NDST2: variants seen among roughly 807,000 people sequenced by gnomAD.
The protein encoded by NDST2 is bifunctional heparan sulfate N-deacetylase/N-sulfotransferase 2.
NDST2 carries 32 observed loss-of-function variants against 86.9 expected under a neutral mutation model. The ratio of observed to expected loss-of-function variants is 0.37; its 90% CI spans 0.28 to 0.49. The LOEUF (loss-of-function observed/expected upper bound fraction) is 0.49, where lower values mean the gene tolerates loss of function less well. NDST2 is among the 20% of genes least tolerant of loss of function. The pLI, the probability that NDST2 is intolerant of heterozygous loss-of-function variation, is 0.97. For missense variants in NDST2, 950 were observed against 1,146.9 expected, an observed-to-expected ratio of 0.83 and a Z score of 2.48; for synonymous variants, 409 against 437.0, an observed-to-expected ratio of 0.94 and a Z score of 0.80.
chr10:73,809,767 C>T (rs1266353173), intron 2 of NDST2, among the ~76,000 whole-genome samples: 1 of 152,202 alleles, frequency 6.6e-6, no homozygotes, highest in Non-Finnish European at 1.5e-5. Context: ...GAGTCTTGCT[C>T]TGTCACCCAG....
Position 73,806,122 on chromosome 10 carries a change from A to G in NDST2, c.1435-94T>C, listed in dbSNP as rs779311984. 4.4e-5 allele frequency: 69 copies of G among 1,550,680 alleles called. No individual in the cohort carries two copies. Among genetic ancestry groups the G allele is most frequent in the Non-Finnish European group, 6.1e-5 (69 of 1,136,262 alleles). ...TTTATAGAGGACTGAGTCTGAAGTT[A>G]TAGCAATAAAGCTCTTACTGAGGGT... On this transcript the variant is annotated intron_variant, in intron 6 of 14. Transcript: ENST00000309979. The surrounding 1 kb of genome is among the most constrained non-coding windows in gnomAD (Gnocchi z 4.5).
rs773424771 is a variant in NDST2 at position 73,803,951 on chromosome 10, T to C, written c.1909A>G (p.Ser637Gly). 5.0e-6 allele frequency: 8 copies of C among 1,614,046 alleles called. No homozygotes were observed. Among genetic ancestry groups the C allele is most frequent in the African/African-American group, 1.3e-5 (1 of 74,910 alleles). The change falls in exon 10 of 15, where the codon AGC (serine) becomes GGC (glycine). Residue 637 changes from serine (S) to glycine (G), a missense_variant. This residue lies in a region of NDST2 where 303 missense variants were observed against 323.7 expected (regional missense o/e 0.94). Coordinates refer to ENST00000309979, the MANE Select transcript of NDST2 (RefSeq NM_003635.4). Reference protein sequence around the residue: ...PAVTSSFPSPSTFEEIQFFNS... With the variant: ...PAVTSSFPSPGTFEEIQFFNS... ...AAGAACTGAATCTCCTCAAATGTGC[T>C]GGGGCTAGGGAAGCTGCTAGTTACA...
intron 2 of NDST2, among the ~76,000 whole-genome samples, chr10:73,810,426 C>T (rs933439308): frequency 6.6e-6 from 1 of 151,882 alleles, no homozygotes; most frequent in Non-Finnish European, 1.5e-5. Context: ...CCACTGTACT[C>T]CAGCCTGGGT....
At chr10:73,804,541 T>C (rs2084065065) in intron 9 of NDST2, among the ~76,000 whole-genome samples, 1 of 152,024 alleles carries the variant, frequency 6.6e-6, no homozygotes, top group Admixed American at 6.5e-5. Context: ...CTAGGGAAGC[T>C]GAGCAGAATT....
Position 73,807,564 on chromosome 10 carries a change from G to T in NDST2, c.825C>A (p.Ile275=). 4 of 1,614,214 alleles carry T rather than the reference G, an allele frequency of 2.5e-6. No individual in the cohort carries two copies. Among genetic ancestry groups the T allele is most frequent in the Non-Finnish European group, 3.4e-6 (4 of 1,180,034 alleles). Residue 275 remains isoleucine (I), a synonymous_variant, in exon 3 of 15, where the codon ATC becomes ATA. Coordinates refer to ENST00000309979, the MANE Select transcript of NDST2 (RefSeq NM_003635.4). Reference sequence around the variant, plus strand: ...GGCCATGTCCAAAGAGCACCCGCTGGATGCCATCATGAAGCCCCAGGTCCT... The same window carrying T: ...GGCCATGTCCAAAGAGCACCCGCTGTATGCCATCATGAAGCCCCAGGTCCT... ...VVQDLGLHDG[I]QRVLFGHGLS... is the part of the protein sequence containing the mutation.
rs2083995095 is a variant in NDST2 at position 73,802,202 on chromosome 10, C to T, written c.*249G>A. 3.5e-6 allele frequency: 2 copies of T among 579,612 alleles called. No homozygotes were observed. The highest frequency in any genetic ancestry group is 6.1e-6 in the Non-Finnish European group (2 of 326,332). The allele number at this position is 579,612 out of a possible 1,614,324, so 35.9% of individuals were successfully genotyped here. A position where few individuals can be genotyped will look rare whatever the true frequency, so the allele number is the denominator to read the frequency against. ...TACACCCTGCCTGGACCCTCTCATTCCTCCCCACCTCCCAAGATGATGGGT... is the reference window on the plus strand; with the variant it reads ...TACACCCTGCCTGGACCCTCTCATTTCTCCCCACCTCCCAAGATGATGGGT... On this transcript the variant is annotated 3_prime_UTR_variant, in exon 15 of 15. Coordinates refer to ENST00000309979, the MANE Select transcript of NDST2 (RefSeq NM_003635.4).
In NDST2 at chr10:73,802,271, C is replaced by A; in HGVS notation, c.*180G>T. On this transcript the variant is annotated 3_prime_UTR_variant, in exon 15 of 15. Transcript: ENST00000309979. ...TTATGTGGGGTACCAAAGGAAGCCCCTTTATTTGTCCCAGAACTGTGGGAA... is the reference window on the plus strand; with the variant it reads ...TTATGTGGGGTACCAAAGGAAGCCCATTTATTTGTCCCAGAACTGTGGGAA... 1 of 662,242 alleles carries A rather than the reference C, an allele frequency of 1.5e-6. No individual in the cohort carries two copies. Among genetic ancestry groups the A allele is most frequent in the South Asian group, 1.9e-5 (1 of 51,632 alleles). 41.0% of individuals were successfully genotyped at this position (662,242 alleles called of 1,614,324 possible). A position where few individuals can be genotyped will look rare whatever the true frequency, so the allele number is the denominator to read the frequency against.
At position 73,804,811 on chromosome 10, in the gene NDST2, C is replaced by T. The variant is rs202120908; in HGVS notation, c.1805G>A (p.Arg602His). ...DIWSKEKTCD[R>H]LPKFLIVGPQ... ...TCCCACAATGAGGAACTTCGGGAGACGATCACAGGTTTTCTCCTTGGACCA... is the reference window on the plus strand; with the variant it reads ...TCCCACAATGAGGAACTTCGGGAGATGATCACAGGTTTTCTCCTTGGACCA... Residue 602 changes from arginine to histidine, a missense_variant, in exon 9 of 15, where the codon CGT becomes CAT. Physicochemically the swap from Arg to His is conservative, Grantham distance 29. Around this residue, in one of 5 missense-constraint regions of NDST2, gnomAD observed 17 missense variants for 40.1 expected, o/e 0.42. Transcript: ENST00000309979. The T allele has an allele frequency of 6.2e-6, 10 of 1,613,258 alleles. No homozygotes were observed. The highest frequency in any genetic ancestry group is 1.7e-5 in the Admixed American group (1 of 59,978).
Position 73,803,207 on chromosome 10 carries a change from A to T in NDST2, c.2295T>A (p.Thr765=). The part of the protein sequence containing the change: ...YYSTHLQRWL[T]YYPSGQLLIV... ...ATTATACCTGTCCAGAGGGGTAGTA[A>T]GTCAGCCAGCGTTGTAGATGGGTAG... Residue 765 remains threonine, a synonymous_variant, in exon 12 of 15, where the codon ACT becomes ACA. Transcript: ENST00000309979. The T allele has an allele frequency of 6.2e-7, 1 of 1,614,216 alleles. No homozygotes were observed. The highest frequency in any genetic ancestry group is 8.5e-7 in the Non-Finnish European group (1 of 1,180,036).
At chr10:73,809,125 G>C (rs1477701373) in intron 2 of NDST2, 1 of 152,262 alleles carries the variant, frequency 6.6e-6, no homozygotes, top group East Asian at 1.9e-4. Flanking sequence ...TGATCTTTCT[G>C]TGAGGAAGGG....
intron 2 of NDST2, 105 bp downstream of exon 2, chr10:73,810,694 A>G (rs2084187861): frequency 2.5e-6 from 1 of 395,942 alleles, no homozygotes; most frequent in African/African-American, 2.1e-5. Flanking sequence ...TTCTTCTAAG[A>G]GCTTCACATA....
chr10:73,805,748 G>A lies in NDST2; in HGVS notation c.1585C>T (p.Leu529=). 6.2e-7 allele frequency: 1 copy of A among 1,614,230 alleles called. No individual in the cohort carries two copies. Among genetic ancestry groups the A allele is most frequent in the South Asian group, 1.1e-5 (1 of 91,078 alleles). The change falls in exon 8 of 15, where the codon CTG becomes TTG. Residue 529 remains leucine (L), a synonymous_variant. Coordinates refer to ENST00000309979, the MANE Select transcript of NDST2 (RefSeq NM_003635.4). ...AGCCGGTCATTTCCATAATTGGACAGATGGGTCATAAAGATGCTGATCTGT... is the reference window on the plus strand; with the variant it reads ...AGCCGGTCATTTCCATAATTGGACAAATGGGTCATAAAGATGCTGATCTGT... The part of the protein sequence containing the change: ...LNPISIFMTH[L]SNYGNDRLGL...
chr10:73,806,086 G>C lies in NDST2; in HGVS notation c.1435-58C>G. 1 of 1,595,696 alleles carries C rather than the reference G, an allele frequency of 6.3e-7. No individual in the cohort carries two copies. Among genetic ancestry groups the C allele is most frequent in the Non-Finnish European group, 8.6e-7 (1 of 1,169,050 alleles). On this transcript the variant is annotated intron_variant, in intron 6 of 14. Transcript: ENST00000309979. This position sits in a 1 kb window ranked among gnomAD's most constrained non-coding sequence, Gnocchi z 4.5. ...AAAGATAGAATGAGAAGTAGATGGAGGACACTGGGATTTATAGAGGACTGA... is the reference window on the plus strand; with the variant it reads ...AAAGATAGAATGAGAAGTAGATGGACGACACTGGGATTTATAGAGGACTGA...
chr10:73,810,725 C>T, intron 2 of NDST2, 74 bp downstream of exon 2: 1 of 397,880 alleles, frequency 2.5e-6, no homozygotes, highest in Non-Finnish European at 4.4e-6. Context: ...TCACACCAGC[C>T]CTAAGAGGTA....
In NDST2 at chr10:73,804,790, A is replaced by G; in HGVS notation, c.1826T>C (p.Val609Ala). The G allele has an allele frequency of 6.2e-7, 1 of 1,613,102 alleles. No homozygotes were observed. The highest frequency in any genetic ancestry group is 8.5e-7 in the Non-Finnish European group (1 of 1,179,254). The stretch of plus-strand genomic sequence containing the variant: ...TACTTCACCTGTTTTCTGGGGTCCC[A>G]CAATGAGGAACTTCGGGAGACGATC... ...TCDRLPKFLIVGPQKTGTTAI... is the reference protein window; with the variant it reads ...TCDRLPKFLIAGPQKTGTTAI... Residue 609 changes from valine to alanine, a missense_variant, in exon 9 of 15, where the codon GTG becomes GCG. By Grantham distance (64) the Val-to-Ala change is moderately conservative (BLOSUM62 0). Transcript: ENST00000309979.
Position 73,801,917 on chromosome 10 carries a change from A to G in NDST2, c.*534T>C, listed in dbSNP as rs1034170607. 13 of 460,704 alleles carry G rather than the reference A, an allele frequency of 2.8e-5. No individual in the cohort carries two copies. Among genetic ancestry groups the G allele is most frequent in the Non-Finnish European group, 4.4e-5 (12 of 272,906 alleles). The allele number at this position is 460,704 out of a possible 1,614,324, so 28.5% of individuals were successfully genotyped here. A position where few individuals can be genotyped will look rare whatever the true frequency, so the allele number is the denominator to read the frequency against. ...CACTCCAGGGAGGCAGACAAAACAG[A>G]AAAATAAGGATGTTTATTAAGGACA... On this transcript the variant is annotated 3_prime_UTR_variant, in exon 15 of 15. Transcript: ENST00000309979. The surrounding 1 kb of genome is among the most constrained non-coding windows in gnomAD (Gnocchi z 4.9).
chr10:73,810,436 T>C (rs2084175343), intron 2 of NDST2, among the ~76,000 whole-genome samples: 1 of 151,514 alleles, frequency 6.6e-6, no homozygotes, highest in Non-Finnish European at 1.5e-5. Context: ...CCAGCCTGGG[T>C]GACAGAGCTA....
Position 73,806,406 on chromosome 10 carries a change from G to C in NDST2, c.1317C>G (p.His439Gln), listed in dbSNP as rs764237668. 5 of 1,614,050 alleles carry C rather than the reference G, an allele frequency of 3.1e-6. No individual in the cohort carries two copies. The highest frequency in any genetic ancestry group is 4.2e-6 in the Non-Finnish European group (5 of 1,179,938). The change falls in exon 6 of 15, where the codon CAC becomes CAG. Residue 439 changes from histidine to glutamine, a missense_variant. His to Gln is a conservative substitution (Grantham distance 24). Coordinates refer to ENST00000309979, the MANE Select transcript of NDST2 (RefSeq NM_003635.4). The surrounding 1 kb of genome is among the most constrained non-coding windows in gnomAD (Gnocchi z 4.5). Reference protein sequence around the residue: ...APHHSGVYPIHTQLYEAWKSV... With the variant: ...APHHSGVYPIQTQLYEAWKSV... ...ATTTCCAGGCCTCATAGAGCTGCGT[G>C]TGGATGGGGTACACACCCGAGTGGT...
intron 10 of NDST2, 44 bp downstream of exon 10, chr10:73,803,849 G>A: frequency 1.2e-6 from 2 of 1,614,024 alleles, no homozygotes; most frequent in Non-Finnish European, 1.7e-6. Context: ...TTTGGGGGAA[G>A]GGAGTGTTCC....
Sources: allele counts gnomAD v4.1 joint callset (sites outside exome capture counted in the v4.1 genomes callset), GRCh38; gene constraint gnomAD v4.1.1; regional missense constraint gnomAD v4.1.1; non-coding constraint Gnocchi (gnomAD v3.1); transcripts MANE v1.5; gene names NCBI Gene and HGNC (gene_info 2026-07-23, HGNC 2026-07-21).